ADAMTSL1: variants seen among roughly 807,000 people sequenced by gnomAD.
ADAMTSL1 encodes ADAMTS like 1.
In ADAMTSL1, 126 loss-of-function variants were observed where a neutral mutation model predicts 201.8. That is an observed-to-expected ratio of 0.62 (90% CI 0.54 to 0.72). ADAMTSL1 has a LOEUF of 0.72. Ranked by LOEUF, ADAMTSL1 falls within the 30% of genes least tolerant of loss-of-function variation. The probability of loss-of-function intolerance (pLI) is 0.00; values close to 1 mark genes in which losing one functional copy is unlikely to be tolerated. For missense variants in ADAMTSL1, 2,679 were observed against 2,277.8 expected, an observed-to-expected ratio of 1.18 and a Z score of -3.59; for synonymous variants, 1,121 against 903.4, an observed-to-expected ratio of 1.24 and a Z score of -4.32.
intron 3 of ADAMTSL1, among the ~76,000 whole-genome samples, chr9:18,547,628 ATATAT>A (rs796980570): frequency 2.6e-5 from 3 of 114,114 alleles, no homozygotes; most frequent in South Asian, 2.9e-4. Context: ...GGCTGTATAT[ATATAT>A]AAAAAAAAAA....
chr9:18,143,412 C>A (rs1375871582), intron 1 of ADAMTSL1, among the ~76,000 whole-genome samples: 1 of 152,226 alleles, frequency 6.6e-6, no homozygotes, highest in Non-Finnish European at 1.5e-5. Context: ...ACTTCCACTT[C>A]ACTCTATTTT....
intron 2 of ADAMTSL1, among the ~76,000 whole-genome samples, chr9:18,351,680 A>C (rs753751292): frequency 6.6e-6 from 1 of 152,218 alleles, no homozygotes; most frequent in African/African-American, 2.4e-5. Context: ...CTGCTCTTGC[A>C]ATGGGTACAC....
At chr9:18,853,256 G>C (rs1046192430) in intron 23 of ADAMTSL1, among the ~76,000 whole-genome samples, 2 of 152,200 alleles carry the variant, frequency 1.3e-5, no homozygotes, top group African/African-American at 4.8e-5. Flanking sequence ...CTGCTGGCCA[G>C]GTGGAGCCAA....
chr9:17,972,204 G>A (rs1818231545), intron 1 of ADAMTSL1, among the ~76,000 whole-genome samples: 1 of 145,606 alleles, frequency 6.9e-6, no homozygotes, highest in Non-Finnish European at 1.5e-5. Flanking sequence ...GGGTACATGT[G>A]CACAATGTGC....
At chr9:18,126,339 C>T (rs960281299) in intron 1 of ADAMTSL1, among the ~76,000 whole-genome samples, 16 of 152,182 alleles carry the variant, frequency 1.1e-4, no homozygotes, top group Non-Finnish European at 1.9e-4. Flanking sequence ...CATTTCTCTT[C>T]CTTATAAGTA....
chr9:18,817,109 G>C lies in ADAMTSL1; in HGVS notation c.3806G>C (p.Gly1269Ala). Reference sequence around the variant, plus strand: ...ATCTCATATTCTTTCTTATCTTCAGGAAAGCCACTAGTGAAAACGTCACGA... The same window carrying C: ...ATCTCATATTCTTTCTTATCTTCAGCAAAGCCACTAGTGAAAACGTCACGA... The part of the protein sequence containing the change: ...DSVSIAVTLA[G>A]KPLVKTSRMT... The change falls in exon 21 of 29, where the codon GGA becomes GCA. Residue 1269 changes from glycine (G) to alanine (A), a missense_variant and splice_region_variant. Gly to Ala is a moderately conservative substitution (Grantham distance 60, BLOSUM62 0). Coordinates refer to ENST00000380548, the MANE Select transcript of ADAMTSL1 (RefSeq NM_001040272.6). 1 of 1,609,040 alleles carries C rather than the reference G, an allele frequency of 6.2e-7. No individual in the cohort carries two copies. The highest frequency in any genetic ancestry group is 8.5e-7 in the Non-Finnish European group (1 of 1,178,118).
chr9:18,534,370 AAAGAAG>A (rs936659858), intron 3 of ADAMTSL1, among the ~76,000 whole-genome samples: 8 of 151,996 alleles, frequency 5.3e-5, no homozygotes, highest in African/African-American at 1.9e-4. Flanking sequence ...CTCTTATAAG[AAAGAAG>A]AAGAAGAAGG....
At chr9:18,577,169 G>A (rs2132385269) in intron 4 of ADAMTSL1, among the ~76,000 whole-genome samples, 1 of 152,276 alleles carries the variant, frequency 6.6e-6, no homozygotes, top group Non-Finnish European at 1.5e-5. Flanking sequence ...AGATTGGAAA[G>A]CAGACAGAAT....
intron 23 of ADAMTSL1, among the ~76,000 whole-genome samples, chr9:18,869,126 C>T (rs1262944365): frequency 2.0e-5 from 3 of 152,206 alleles, no homozygotes; most frequent in African/African-American, 7.2e-5. Context: ...CATCTGCAAG[C>T]CAAGGTACAC....
chr9:18,240,430 C>A (rs1429402733), intron 2 of ADAMTSL1, among the ~76,000 whole-genome samples: 1 of 151,316 alleles, frequency 6.6e-6, no homozygotes, highest in Non-Finnish European at 1.5e-5. Flanking sequence ...GTCATCCAGG[C>A]TTTGTTGTTC....
intron 1 of ADAMTSL1, among the ~76,000 whole-genome samples, chr9:18,016,097 G>A (rs1040994475): frequency 3.9e-5 from 6 of 151,988 alleles, no homozygotes; most frequent in Admixed American, 2.6e-4. Flanking sequence ...TTAAATAGGC[G>A]GGAATGTTCC....
chr9:18,232,347 C>A (rs10963532), intron 2 of ADAMTSL1, among the ~76,000 whole-genome samples: 5 of 151,990 alleles, frequency 3.3e-5, no homozygotes, highest in African/African-American at 1.2e-4. Context: ...ACAGGTCATT[C>A]TTTTGGTAAG....
rs1820124475 is a variant in ADAMTSL1, at chr9:18,444,759, C to A, written c.208-60070C>A. On this transcript the variant is annotated intron_variant, in intron 2 of 29. Transcript: ENST00000680146. The stretch of plus-strand genomic sequence containing the variant: ...GCACACAGGCAGGAGGGTATGGCAA[C>A]ATCCTTAAAACTTTTGTTCAAGTGC... 2.6e-5 allele frequency among the ~76,000 whole-genome samples: 4 copies of A among 152,194 alleles called. No individual in the cohort carries two copies. The South Asian group carries it at 8.3e-4, about 32-fold the overall frequency.
intron 23 of ADAMTSL1, among the ~76,000 whole-genome samples, chr9:18,858,809 T>C (rs898528271): frequency 2.0e-5 from 3 of 152,200 alleles, no homozygotes; most frequent in African/African-American, 7.2e-5. Flanking sequence ...CACTCCCGCT[T>C]TCTGGTTCAG....
At chr9:18,393,877 T>G (rs2809861) in intron 2 of ADAMTSL1, among the ~76,000 whole-genome samples, 48,185 of 152,026 alleles carry the variant, frequency 0.32, 7,743 homozygotes, top group South Asian at 0.35. Flanking sequence ...GATGATACCA[T>G]CCGGCTGTGA....
At chr9:17,980,689 CA>C (rs1386094993) in intron 1 of ADAMTSL1, among the ~76,000 whole-genome samples, 4 of 152,046 alleles carry the variant, frequency 2.6e-5, no homozygotes, top group Non-Finnish European at 5.9e-5. Context: ...AAGAGAAACA[CA>C]AAAGAGAGGA....
intron 2 of ADAMTSL1, among the ~76,000 whole-genome samples, chr9:18,528,175 G>A (rs1305534316): frequency 1.3e-5 from 2 of 152,102 alleles, no homozygotes; most frequent in African/African-American, 4.8e-5. Flanking sequence ...ACCACACCTG[G>A]CCCATTTTTT....
intron 2 of ADAMTSL1, among the ~76,000 whole-genome samples, chr9:18,317,695 A>T (rs1417067857): frequency 1.3e-5 from 2 of 152,062 alleles, no homozygotes; most frequent in African/African-American, 4.8e-5. Flanking sequence ...CAGCCTGCTC[A>T]CCCCGAGGTC....
At chr9:18,424,579 A>C (rs1237885748) in intron 2 of ADAMTSL1, among the ~76,000 whole-genome samples, 1 of 152,230 alleles carries the variant, frequency 6.6e-6, no homozygotes, top group Non-Finnish European at 1.5e-5. Context: ...AGTTAGAAAA[A>C]TGCAAGAATA....
Sources: allele counts gnomAD v4.1 joint callset (sites outside exome capture counted in the v4.1 genomes callset), GRCh38; gene constraint gnomAD v4.1.1; transcripts MANE v1.5; gene names NCBI Gene and HGNC (gene_info 2026-07-23, HGNC 2026-07-21).